BCL9L: variants seen among roughly 807,000 people sequenced by gnomAD.
The protein encoded by BCL9L is BCL9 like.
A neutral mutation model predicts 99.4 loss-of-function variants in BCL9L; 19 were observed. The ratio of observed to expected loss-of-function variants is 0.19; its 90% CI spans 0.13 to 0.28. The LOEUF (loss-of-function observed/expected upper bound fraction) is 0.28, where lower values mean the gene tolerates loss of function less well. Ranked by LOEUF, BCL9L falls within the 10% of genes least tolerant of loss-of-function variation. BCL9L has a pLI of 1.00. For synonymous variants in BCL9L, 900 were observed against 854.8 expected (o/e 1.05, Z -0.92); for missense variants, 2,023 against 2,101.6 (o/e 0.96, Z 0.73).
chr11:118,905,272 G>T (rs1344964763), intron 5 of BCL9L, among the ~76,000 whole-genome samples: 3 of 152,178 alleles, frequency 2.0e-5, no homozygotes, highest in Non-Finnish European at 4.4e-5. Flanking sequence ...ACTTTGGGAG[G>T]CCGAGGCGGG....
At position 118,907,302 on chromosome 11, in the gene BCL9L, G is replaced by T. The variant is rs370188663; in HGVS notation, c.532+181C>A. Reference sequence around the variant, plus strand: ...GGGTCCCTAGGGAGAGGGGGTCACTGAGCACCTGGAAGGCAGAGGCGAGGC... The same window carrying T: ...GGGTCCCTAGGGAGAGGGGGTCACTTAGCACCTGGAAGGCAGAGGCGAGGC... On this transcript the variant is annotated intron_variant, in intron 5 of 9. Transcript: ENST00000683865. 1.9e-4 allele frequency among the ~76,000 whole-genome samples: 29 copies of T among 152,304 alleles called. No individual in the cohort carries two copies. In the South Asian group the frequency reaches 6.0e-3, roughly 32 times the overall value.
In BCL9L at chr11:118,898,552, G is replaced by A. The variant is rs748431473; in HGVS notation, c.4363C>T (p.Pro1455Ser). The A allele has an allele frequency of 7.5e-6, 12 of 1,606,418 alleles. No individual in the cohort carries two copies. The highest frequency in any genetic ancestry group is 2.2e-5 in the East Asian group (1 of 44,736). The change falls in exon 10 of 10, where the codon CCG becomes TCG. Residue 1455 changes from proline to serine, a missense_variant. Pro to Ser is a moderately conservative substitution (Grantham distance 74). This residue lies in a region of BCL9L where 902 missense variants were observed against 888.2 expected (regional missense o/e 1.02). Transcript: ENST00000683865. ...GGGGGGCCCATGAGGGAGCCCTGCG[G>A]GGAGAGCATGTGGGGCGGCTGGCTG... ...VYSQPPHMLS[P>S]QGSLMGPPPQ...
Position 118,899,233 on chromosome 11 carries a change from AGGGCATCATCTG to A in BCL9L, c.3670_3681del (p.Gln1224_Pro1227del). ...TGGGGCTGCTGCAGCCGAGGGGGGA[AGGGCATCATCTG>A]GGAGGAGCTGGGCACTGGGCCACAG... On this transcript the variant is annotated inframe_deletion, in exon 10 of 10. Coordinates refer to ENST00000683865, the MANE Select transcript of BCL9L (RefSeq NM_001378213.1). The A allele has an allele frequency of 6.6e-7, 1 of 1,512,996 alleles. No homozygotes were observed. Among genetic ancestry groups the A allele is most frequent in the Non-Finnish European group, 8.8e-7 (1 of 1,131,972 alleles). 93.7% of individuals were successfully genotyped at this position (1,512,996 alleles called of 1,614,324 possible).
chr11:118,907,394 T>C lies in BCL9L; in HGVS notation c.532+89A>G, dbSNP rs925613785. 8.1e-6 allele frequency: 13 copies of C among 1,598,120 alleles called. No homozygotes were observed. In the African/African-American group the frequency reaches 1.3e-4, roughly 16 times the overall value. ...GGAGAGAAAAATCCAGGACTCCCAG[T>C]CCTCACTTCTTTCCCAGGCTCAGTC... On this transcript the variant is annotated intron_variant, in intron 5 of 9. Transcript: ENST00000683865.
intron 2 of BCL9L, 189 bp from the exon 3 acceptor site, chr11:118,910,204 CT>C: frequency 1.9e-6 from 1 of 522,052 alleles, no homozygotes; most frequent in Non-Finnish European, 3.5e-6. Context: ...CCTCCCGCAC[CT>C]TGCCCTCAGG....
At position 118,914,620 on chromosome 11, in the gene BCL9L, C is replaced by CG. The variant is rs1940909772; in HGVS notation, c.-77+4205_-77+4206insC. On this transcript the variant is annotated intron_variant, in intron 2 of 9. Transcript: ENST00000683865. The surrounding 1 kb of genome is among the most constrained non-coding windows in gnomAD (Gnocchi z 4.4). ...ACAGGATGTATGCCTGTGACCTCTG[C>CG]AGGGAGACAGAAGGCCACACGGGGT... 8.1e-3 allele frequency among the ~76,000 whole-genome samples: 1 copy of CG among 124 alleles called. No homozygotes were observed. Among genetic ancestry groups the CG allele is most frequent in the Non-Finnish European group, 0.017 (1 of 58 alleles). The allele number at this position is 124 out of a possible 152,430, so 0.1% of individuals were successfully genotyped here.
chr11:118,914,230 T>C lies in BCL9L; in HGVS notation c.-76-4215A>G, dbSNP rs181120544. 6.6e-6 allele frequency among the ~76,000 whole-genome samples: 1 copy of C among 152,068 alleles called. No individual in the cohort carries two copies. The highest frequency in any genetic ancestry group is 2.4e-5 in the African/African-American group (1 of 41,452). On this transcript the variant is annotated intron_variant, in intron 2 of 9. Transcript: ENST00000683865. The surrounding 1 kb of genome is among the most constrained non-coding windows in gnomAD (Gnocchi z 4.4). The stretch of plus-strand genomic sequence containing the variant: ...CACCTGGCCTCAGTCCTCCAAGGGG[T>C]TAATCTGTCCCCTATTTAGGGGGGT...
At position 118,902,383 on chromosome 11, in the gene BCL9L, G is replaced by C; in HGVS notation, c.1360C>G (p.Pro454Ala). The change falls in exon 8 of 10, where the codon CCA becomes GCA. Residue 454 changes from proline to alanine, a missense_variant. By Grantham distance (27) the Pro-to-Ala change is conservative. Around this residue, in one of 3 missense-constraint regions of BCL9L, gnomAD observed 1,116 missense variants for 1,194.6 expected, o/e 0.93. Transcript: ENST00000683865. This position sits in a 1 kb window ranked among gnomAD's most constrained non-coding sequence, Gnocchi z 7.8. ...PAQAPPPPQQ[P>A]PTAPPSGLKK... is the part of the protein sequence containing the mutation. ...AGCCCGCTGGGAGGGGCCGTGGGTG[G>C]CTGCTGGGGGGGAGGGGGGGCTTGT... 1 of 1,538,360 alleles carries C rather than the reference G, an allele frequency of 6.5e-7. No individual in the cohort carries two copies. Among genetic ancestry groups the C allele is most frequent in the Non-Finnish European group, 8.7e-7 (1 of 1,145,908 alleles).
In BCL9L at chr11:118,896,232, T is replaced by C. The variant is rs1447157850; in HGVS notation, c.*2183A>G. The C allele has an allele frequency of 6.0e-6, 1 of 166,522 alleles. No homozygotes were observed. The highest frequency in any genetic ancestry group is 1.5e-5 in the Non-Finnish European group (1 of 68,076). The allele number at this position is 166,522 out of a possible 1,614,324, so 10.3% of individuals were successfully genotyped here. On this transcript the variant is annotated 3_prime_UTR_variant, in exon 10 of 10. Transcript: ENST00000683865. ...ACCCCCGGAACAAGCCTAAAAATTG[T>C]TTCAAAATAAAAACCAAGAAGATGT...
At chr11:118,905,182 G>A (rs966446374) in intron 5 of BCL9L, among the ~76,000 whole-genome samples, 28 of 152,130 alleles carry the variant, frequency 1.8e-4, no homozygotes, top group African/African-American at 5.3e-4. Flanking sequence ...CAATGTCTAC[G>A]TTCTATCGCC....
rs1940104827 is a variant in BCL9L, at chr11:118,899,445, C to T, written c.3470G>A (p.Gly1157Asp). Residue 1157 changes from glycine (G) to aspartate (D), a missense_variant, in exon 10 of 10, where the codon GGC becomes GAC. By Grantham distance (94) the Gly-to-Asp change is moderately conservative (BLOSUM62 -1). Coordinates refer to ENST00000683865, the MANE Select transcript of BCL9L (RefSeq NM_001378213.1). ...GGGCTGCTGGCCTGGCAGGTTCATG[C>T]CCATAGGGCTCTGGGCAGCGGCTGA... ...LNSAAAQSPM[G>D]MNLPGQQPLS... 6.2e-7 allele frequency: 1 copy of T among 1,604,200 alleles called. No homozygotes were observed. Among genetic ancestry groups the T allele is most frequent in the South Asian group, 1.1e-5 (1 of 89,096 alleles).
In BCL9L at chr11:118,899,511, G is replaced by A. The variant is rs1209755438; in HGVS notation, c.3407-3C>T. ...GCTGGGCTGGCTGTTGCTGATCCCT[G>A]TAGGGAATAGAAGACAGGGGGTCAG... On this transcript the variant is annotated splice_region_variant and splice_polypyrimidine_tract_variant and intron_variant, in intron 9 of 9. Coordinates refer to ENST00000683865, the MANE Select transcript of BCL9L (RefSeq NM_001378213.1). 6.2e-7 allele frequency: 1 copy of A among 1,607,408 alleles called. No individual in the cohort carries two copies. The highest frequency in any genetic ancestry group is 8.5e-7 in the Non-Finnish European group (1 of 1,178,358).
In BCL9L at chr11:118,903,351, C is replaced by T. The variant is rs780066325; in HGVS notation, c.634G>A (p.Gly212Ser). The change falls in exon 6 of 10, where the codon GGC (glycine) becomes AGC (serine). Residue 212 changes from glycine (G) to serine (S), a missense_variant. Transcript: ENST00000683865. The surrounding 1 kb of genome is among the most constrained non-coding windows in gnomAD (Gnocchi z 5.6). ...TCAGGCCGAAGGCCAGGAGGAGGGC[C>T]GTGCGGGGCGCCTGGCACGCTGCTC... is the stretch of plus-strand genomic sequence containing the variant. ...SESSVPGAPH[G>S]PPPGLRPDAP... 5.6e-6 allele frequency: 9 copies of T among 1,599,846 alleles called. No homozygotes were observed. Among genetic ancestry groups the T allele is most frequent in the South Asian group, 3.4e-5 (3 of 89,184 alleles).
intron 1 of BCL9L, among the ~76,000 whole-genome samples, chr11:118,923,157 C>T (rs1237667602): frequency 2.0e-5 from 3 of 152,160 alleles, no homozygotes; most frequent in South Asian, 2.1e-4. Context: ...TGGTCCTTTC[C>T]TCCCACTCCA....
chr11:118,909,620 C>G (rs1368620266), intron 3 of BCL9L, among the ~76,000 whole-genome samples: 1 of 152,140 alleles, frequency 6.6e-6, no homozygotes, highest in Non-Finnish European at 1.5e-5. Flanking sequence ...GGGAGGGGGT[C>G]TGCTCAAACC....
In BCL9L at chr11:118,899,261, TG is replaced by T; in HGVS notation, c.3653del (p.Pro1218GlnfsTer8). ...GCATCATCTGGGAGGAGCTGGGCAC[TG>T]GGCCACAGGGGGCATTCAGGGAGTC... is the stretch of plus-strand genomic sequence containing the variant. ...GPDSLNAPCG[P>X]VPSSSQMMPF... is the part of the protein sequence containing the mutation. On this transcript the variant is annotated frameshift_variant, in exon 10 of 10. Transcript: ENST00000683865. LOFTEE classifies it high-confidence loss of function. The T allele has an allele frequency of 6.6e-7, 1 of 1,524,828 alleles. No individual in the cohort carries two copies. The highest frequency in any genetic ancestry group is 8.8e-7 in the Non-Finnish European group (1 of 1,137,486). 94.5% of individuals were successfully genotyped at this position (1,524,828 alleles called of 1,614,324 possible). A position where few individuals can be genotyped will look rare whatever the true frequency, so the allele number is the denominator to read the frequency against.
chr11:118,898,294 G>GGCCCCCCCCCCCCCCCCC lies in BCL9L; in HGVS notation c.*120_*121insGGGGGGGGGGGGGGGGGC. 6.4e-5 allele frequency: 29 copies of GGCCCCCCCCCCCCCCCCC among 452,312 alleles called. 1 individual carries two copies. The highest frequency in any genetic ancestry group is 1.3e-4 in the East Asian group (3 of 23,130). 28.0% of individuals were successfully genotyped at this position (452,312 alleles called of 1,614,324 possible). A position where few individuals can be genotyped will look rare whatever the true frequency, so the allele number is the denominator to read the frequency against. Reference sequence around the variant, plus strand: ...TCCACAAATGCCACTCCCTACACAAGCCCCCTCCCACCCCCTCCACCCCAC... The same window carrying GGCCCCCCCCCCCCCCCCC: ...TCCACAAATGCCACTCCCTACACAAGGCCCCCCCCCCCCCCCCCCCCCCTCCCACCCCCTCCACCCCAC... On this transcript the variant is annotated 3_prime_UTR_variant, in exon 10 of 10. Coordinates refer to ENST00000683865, the MANE Select transcript of BCL9L (RefSeq NM_001378213.1).
intron 5 of BCL9L, among the ~76,000 whole-genome samples, chr11:118,904,372 G>A (rs1940419457): frequency 6.6e-6 from 1 of 151,140 alleles, no homozygotes; most frequent in Non-Finnish European, 1.5e-5. Flanking sequence ...CTTAGGAGGT[G>A]GAAGTTGCAG....
In BCL9L at chr11:118,902,817, G is replaced by A. The variant is rs756675498; in HGVS notation, c.926C>T (p.Pro309Leu). The A allele has an allele frequency of 2.3e-5, 35 of 1,550,442 alleles. No individual in the cohort carries two copies. Among genetic ancestry groups the A allele is most frequent in the Admixed American group, 7.3e-5 (4 of 54,742 alleles). The change falls in exon 8 of 10, where the codon CCG becomes CTG. Residue 309 changes from proline (P) to leucine (L), a missense_variant. Around this residue, in one of 3 missense-constraint regions of BCL9L, gnomAD observed 1,116 missense variants for 1,194.6 expected, o/e 0.93. Coordinates refer to ENST00000683865, the MANE Select transcript of BCL9L (RefSeq NM_001378213.1). The surrounding 1 kb of genome is among the most constrained non-coding windows in gnomAD (Gnocchi z 7.8). ...PQSQPPPLPP[P>L]PPPAPGSAPP... ...GGCACTGCCAGGGGCCGGGGGTGGC[G>A]GCGGCGGCAGTGGAGGTGGCTGGGA...
Sources: gnomAD v4.1 joint callset for allele counts (sites outside exome capture counted in the v4.1 genomes callset) on GRCh38, gnomAD v4.1.1 for gene constraint, gnomAD v4.1.1 regional missense constraint, Gnocchi (gnomAD v3.1) non-coding constraint, MANE v1.5 for transcripts, NCBI Gene and HGNC (gene_info 2026-07-23, HGNC 2026-07-21) for gene names.